The following SAMMSON variants were observed in gnomAD, a reference collection of about 807,000 sequenced individuals.
The protein encoded by SAMMSON is long intergenic non-protein coding RNA 1212.
intron 3 of SAMMSON, among the ~76,000 whole-genome samples, chr3:70,030,034 T>C (rs1051148671): frequency 1.3e-5 from 2 of 152,326 alleles, no homozygotes; most frequent in South Asian, 4.1e-4. Context: ...TAATCTTGAT[T>C]CATACTCTGT....
At chr3:70,002,194 C>A (rs2066908616) in intron 1 of SAMMSON, among the ~76,000 whole-genome samples, 1 of 152,090 alleles carries the variant, frequency 6.6e-6, no homozygotes, top group Non-Finnish European at 1.5e-5. Context: ...TGCATATCCA[C>A]CTTTGGACAG....
chr3:70,321,236 T>G (rs1487488841), intron 7 of SAMMSON, among the ~76,000 whole-genome samples: 1 of 152,050 alleles, frequency 6.6e-6, no homozygotes, highest in Non-Finnish European at 1.5e-5. Context: ...TCCTCAACCC[T>G]TTGTAATCCA....
chr3:70,159,151 G>T (rs1015664568), intron 4 of SAMMSON, among the ~76,000 whole-genome samples: 4 of 151,558 alleles, frequency 2.6e-5, no homozygotes, highest in Non-Finnish European at 4.4e-5. Flanking sequence ...TACATGTAAG[G>T]TTTTTATCTT....
At chr3:70,210,830 GCAAGAA>G (rs1701336275) in intron 4 of SAMMSON, among the ~76,000 whole-genome samples, 2 of 151,990 alleles carry the variant, frequency 1.3e-5, no homozygotes, top group Admixed American at 1.3e-4. Context: ...ACAGGTAATT[GCAAGAA>G]CAAATGGACA....
intron 4 of SAMMSON, among the ~76,000 whole-genome samples, chr3:70,150,435 AG>A (rs1387227972): frequency 2.0e-5 from 3 of 152,086 alleles, no homozygotes; most frequent in African/African-American, 7.2e-5. Context: ...TGCTAGAGCT[AG>A]TTCTTATCCA....
intron 4 of SAMMSON, among the ~76,000 whole-genome samples, chr3:70,218,102 T>C (rs1197059778): frequency 6.6e-6 from 1 of 152,146 alleles, no homozygotes; most frequent in Non-Finnish European, 1.5e-5. Flanking sequence ...AAGGCCTCAC[T>C]GGGGATTTAA....
intron 2 of SAMMSON, among the ~76,000 whole-genome samples, chr3:70,432,861 C>A (rs560083039): frequency 6.6e-6 from 1 of 152,012 alleles, no homozygotes; most frequent in South Asian, 2.1e-4. Flanking sequence ...TATCTTTTTA[C>A]TGTCTCTGTA....
intron 4 of SAMMSON, among the ~76,000 whole-genome samples, chr3:70,244,553 G>T (rs1157707888): frequency 6.6e-6 from 1 of 152,154 alleles, no homozygotes; most frequent in Non-Finnish European, 1.5e-5. Context: ...CAATATATGG[G>T]ATGTAAAAAG....
chr3:70,034,718 C>T (rs556775779), intron 3 of SAMMSON, among the ~76,000 whole-genome samples: 2 of 152,220 alleles, frequency 1.3e-5, no homozygotes, highest in South Asian at 4.2e-4. Context: ...GTAGCGGGCA[C>T]CTGTAATCCC....
At chr3:70,231,834 C>T (rs183409650) in intron 4 of SAMMSON, among the ~76,000 whole-genome samples, 1 of 152,112 alleles carries the variant, frequency 6.6e-6, no homozygotes, top group Non-Finnish European at 1.5e-5. Flanking sequence ...AAAATAAATT[C>T]TCATCTGGAA....
intron 9 of SAMMSON, among the ~76,000 whole-genome samples, chr3:70,373,619 G>A (rs1011478253): frequency 2.0e-5 from 3 of 151,928 alleles, no homozygotes; most frequent in Admixed American, 1.3e-4. Flanking sequence ...TCTCATTATG[G>A]TCCAGTACAT....
chr3:70,115,629 T>C (rs1303819894), intron 4 of SAMMSON, among the ~76,000 whole-genome samples: 2 of 152,134 alleles, frequency 1.3e-5, no homozygotes, highest in African/African-American at 4.8e-5. Flanking sequence ...CAAAGTACTT[T>C]GTAAAGTGGA....
chr3:70,008,233 G>T (rs573937822), intron 1 of SAMMSON, among the ~76,000 whole-genome samples: 1 of 152,202 alleles, frequency 6.6e-6, no homozygotes, highest in South Asian at 2.1e-4. Flanking sequence ...AAATTACCTT[G>T]GGCAGTATGG....
chr3:70,286,540 G>A (rs558683479), intron 6 of SAMMSON, among the ~76,000 whole-genome samples: 41 of 150,840 alleles, frequency 2.7e-4, no homozygotes, highest in Non-Finnish European at 5.2e-4. Flanking sequence ...TTGGTGATGC[G>A]GGCTCTTTTT....
intron 1 of SAMMSON, among the ~76,000 whole-genome samples, chr3:70,001,483 C>T (rs2066905509): frequency 6.7e-6 from 1 of 149,564 alleles, no homozygotes. Context: ...ATATGTTCTA[C>T]ATGTATACAT....
chr3:70,172,875 A>T (rs939208047), intron 4 of SAMMSON: 2 of 152,038 alleles, frequency 1.3e-5, no homozygotes, highest in Admixed American at 6.6e-5. Context: ...TACATGTTCC[A>T]TAATAGTTAT....
chr3:70,432,733 T>C (rs954006770), intron 2 of SAMMSON, among the ~76,000 whole-genome samples: 4 of 152,042 alleles, frequency 2.6e-5, no homozygotes, highest in Non-Finnish European at 5.9e-5. Flanking sequence ...TTGACAAATG[T>C]ACAATGACAT....
At chr3:70,370,468 C>T (rs1702958984) in intron 9 of SAMMSON, among the ~76,000 whole-genome samples, 1 of 151,924 alleles carries the variant, frequency 6.6e-6, no homozygotes, top group African/African-American at 2.4e-5. Context: ...TTGTCAGCAT[C>T]TGTTATTTTT....
At chr3:70,117,766 C>G (rs1005198451) in intron 4 of SAMMSON, among the ~76,000 whole-genome samples, 2 of 152,054 alleles carry the variant, frequency 1.3e-5, no homozygotes, top group African/African-American at 4.8e-5. Context: ...CACAGTGCAA[C>G]TTGATAATTG....
Sources: allele counts gnomAD v4.1 joint callset (sites outside exome capture counted in the v4.1 genomes callset), GRCh38; gene constraint gnomAD v4.1.1; transcripts MANE v1.5; gene names NCBI Gene and HGNC (gene_info 2026-07-23, HGNC 2026-07-21).